The following SV2B variants were observed in gnomAD, a reference collection of about 807,000 sequenced individuals.
The protein encoded by SV2B is synaptic vesicle glycoprotein 2B.
SV2B carries 41 observed loss-of-function variants against 73.9 expected under a neutral mutation model. That is an observed-to-expected ratio of 0.56 (90% confidence interval 0.43 to 0.72). The LOEUF (loss-of-function observed/expected upper bound fraction) is 0.72. SV2B is among the 30% of genes least tolerant of loss of function. The pLI, the probability that SV2B is intolerant of heterozygous loss-of-function variation, is 0.00. For synonymous variants in SV2B, 314 were observed against 314.2 expected, an observed-to-expected ratio of 1.00 and a Z score of 0.01; for missense variants, 764 against 857.8, an observed-to-expected ratio of 0.89 and a Z score of 1.37.
chr15:91,254,253 C>G (rs1278383747), intron 4 of SV2B, among the ~76,000 whole-genome samples: 1 of 53,134 alleles, frequency 1.9e-5, no homozygotes, highest in African/African-American at 8.0e-5. Context: ...TTTTTTTTTT[C>G]TGAGACAGAG....
At chr15:91,195,832 C>T (rs1346770137) in intron 1 of SV2B, among the ~76,000 whole-genome samples, 3 of 152,166 alleles carry the variant, frequency 2.0e-5, no homozygotes, top group Non-Finnish European at 4.4e-5. Context: ...CATAGCAAGT[C>T]CTACATGAAG....
intron 9 of SV2B, among the ~76,000 whole-genome samples, chr15:91,274,036 G>T (rs1426486955): frequency 6.6e-6 from 1 of 150,696 alleles, no homozygotes; most frequent in Non-Finnish European, 1.5e-5. Context: ...CTCTGTTGGG[G>T]GAGAAAACTA....
In SV2B at chr15:91,252,043, G is replaced by A. The variant is rs772911915; in HGVS notation, c.632+44G>A. On this transcript the variant is annotated intron_variant, in intron 3 of 12. Transcript: ENST00000394232. The surrounding 1 kb of genome is among the most constrained non-coding windows in gnomAD (Gnocchi z 4.6). ...GGAGCTGGACCATCCCAGACCAATG[G>A]CCCATCCATTCTGGTATTCTAGCTC... is the stretch of plus-strand genomic sequence containing the variant. 1 of 1,596,488 alleles carries A rather than the reference G, an allele frequency of 6.3e-7. No homozygotes were observed. The highest frequency in any genetic ancestry group is 1.1e-5 in the South Asian group (1 of 88,652).
intron 6 of SV2B, among the ~76,000 whole-genome samples, chr15:91,262,282 C>G (rs564197279): frequency 6.6e-6 from 1 of 152,240 alleles, no homozygotes; most frequent in African/African-American, 2.4e-5. Flanking sequence ...AAAACAAAAA[C>G]CGGTGCCTGG....
rs184248843 is a variant in SV2B, at chr15:91,180,585, T to C, written c.-391-45288T>C. On this transcript the variant is annotated intron_variant, in intron 1 of 12. Transcript: ENST00000394232. ...AGTCCCATATTTCTTGGAGGCTTTG[T>C]TCATTTCTTTTTATTCTTTTTTCTC... is the stretch of plus-strand genomic sequence containing the variant. Among the ~76,000 whole-genome samples, 997 of 152,278 alleles carry C rather than the reference T, an allele frequency of 6.5e-3. 7 individuals are homozygous for C. The highest frequency in any genetic ancestry group is 0.027 in the Middle Eastern group (8 of 294).
intron 11 of SV2B, among the ~76,000 whole-genome samples, chr15:91,286,880 T>C (rs1248173843): frequency 1.3e-5 from 2 of 152,180 alleles, no homozygotes; most frequent in Non-Finnish European, 2.9e-5. Context: ...TGGGGACTTA[T>C]AGCAGGAACA....
At chr15:91,269,572 A>G (rs1376669453) in intron 9 of SV2B, among the ~76,000 whole-genome samples, 2 of 152,144 alleles carry the variant, frequency 1.3e-5, no homozygotes, top group Non-Finnish European at 2.9e-5. Flanking sequence ...CTGCACCCAC[A>G]TATGCGTCTG....
chr15:91,150,314 G>C (rs1426934064), intron 1 of SV2B, among the ~76,000 whole-genome samples: 1 of 152,124 alleles, frequency 6.6e-6, no homozygotes, highest in Non-Finnish European at 1.5e-5. Context: ...GCTTCTGTCT[G>C]TCTCTCTATC....
chr15:91,283,898 G>A lies in SV2B; in HGVS notation c.1508-123G>A. 1 of 880,316 alleles carries A rather than the reference G, an allele frequency of 1.1e-6. No individual in the cohort carries two copies. Among genetic ancestry groups the A allele is most frequent in the Non-Finnish European group, 1.7e-6 (1 of 582,268 alleles). The allele number at this position is 880,316 out of a possible 1,614,324, so 54.5% of individuals were successfully genotyped here. ...CACATATTACCTTGACTTTGAGGCT[G>A]TCTGACTGGCAAAGGCTGGCACAGC... On this transcript the variant is annotated intron_variant, in intron 10 of 12. Transcript: ENST00000394232. This position sits in a 1 kb window ranked among gnomAD's most constrained non-coding sequence, Gnocchi z 4.3.
chr15:91,271,625 A>G lies in SV2B; in HGVS notation c.1373+3020A>G, dbSNP rs568473091. 5.3e-5 allele frequency among the ~76,000 whole-genome samples: 8 copies of G among 152,346 alleles called. No individual in the cohort carries two copies. In the South Asian group the frequency reaches 6.2e-4, roughly 12 times the overall value. ...CTATACCCACTATTATTTGAAGCCCATAATTCCCCCACTCCCTCCCCAGCA... is the reference window on the plus strand; with the variant it reads ...CTATACCCACTATTATTTGAAGCCCGTAATTCCCCCACTCCCTCCCCAGCA... On this transcript the variant is annotated intron_variant, in intron 9 of 12. Coordinates refer to ENST00000394232, the MANE Select transcript of SV2B (RefSeq NM_001323032.3).
chr15:91,118,315 A>G lies in SV2B; in HGVS notation c.-392+17952A>G, dbSNP rs1448819394. Among the ~76,000 whole-genome samples, 1 of 152,222 alleles carries G rather than the reference A, an allele frequency of 6.6e-6. No homozygotes were observed. Among genetic ancestry groups the G allele is most frequent in the Non-Finnish European group, 1.5e-5 (1 of 68,032 alleles). On this transcript the variant is annotated intron_variant, in intron 1 of 12. Coordinates refer to ENST00000394232, the MANE Select transcript of SV2B (RefSeq NM_001323032.3). This position sits in a 1 kb window ranked among gnomAD's most constrained non-coding sequence, Gnocchi z 4.7. ...TGATGTGTGCCCTGGAGTTTGGGGC[A>G]TAGAAGACATAGAGCCTGGTGCCTC... is the stretch of plus-strand genomic sequence containing the variant.
At chr15:91,138,109 A>C (rs913251734) in intron 1 of SV2B, among the ~76,000 whole-genome samples, 1 of 152,232 alleles carries the variant, frequency 6.6e-6, no homozygotes, top group African/African-American at 2.4e-5. Context: ...AACACTACCT[A>C]TGAAGTAGCC....
rs1472483637 is a variant in SV2B, at chr15:91,226,301, A to G, written c.38A>G (p.Tyr13Cys). The G allele has an allele frequency of 1.9e-6, 3 of 1,614,166 alleles. No homozygotes were observed. Among genetic ancestry groups the G allele is most frequent in the Non-Finnish European group, 2.5e-6 (3 of 1,180,028 alleles). ...AAGTATCAGGACAATTATGGGGGCT[A>G]TGCTCCCAGTGATGGCTATTACCGC... ...DYKYQDNYGG[Y>C]APSDGYYRGN... The change falls in exon 2 of 13, where the codon TAT becomes TGT. Residue 13 changes from tyrosine to cysteine, a missense_variant. Tyr to Cys is a radical substitution (Grantham distance 194). Transcript: ENST00000394232.
intron 1 of SV2B, among the ~76,000 whole-genome samples, chr15:91,125,046 G>A (rs556469532): frequency 6.6e-6 from 1 of 152,334 alleles, no homozygotes; most frequent in East Asian, 1.9e-4. Flanking sequence ...TCCTTGGCTT[G>A]CAGATGGCTG....
chr15:91,205,014 G>A (rs560383311), intron 1 of SV2B, among the ~76,000 whole-genome samples: 2 of 152,292 alleles, frequency 1.3e-5, no homozygotes, highest in African/African-American at 4.8e-5. Context: ...TGAAGCCTGA[G>A]CTGCTGTTTT....
Position 91,136,540 on chromosome 15 carries a change from T to C in SV2B, c.-392+36177T>C, listed in dbSNP as rs2042831620. 6.6e-6 allele frequency among the ~76,000 whole-genome samples: 1 copy of C among 152,236 alleles called. No homozygotes were observed. Among genetic ancestry groups the C allele is most frequent in the African/African-American group, 2.4e-5 (1 of 41,466 alleles). On this transcript the variant is annotated intron_variant, in intron 1 of 12. Coordinates refer to ENST00000394232, the MANE Select transcript of SV2B (RefSeq NM_001323032.3). The surrounding 1 kb of genome is among the most constrained non-coding windows in gnomAD (Gnocchi z 5.6). The stretch of plus-strand genomic sequence containing the variant: ...GAGTAAGGCTCTTGACTCAGCTGTC[T>C]GCAAGCCCTTTACATCTTCATTTCA...
intron 1 of SV2B, among the ~76,000 whole-genome samples, chr15:91,125,808 A>G (rs2042465365): frequency 6.6e-6 from 1 of 150,440 alleles, no homozygotes; most frequent in African/African-American, 2.5e-5. Flanking sequence ...AAATTCAGTC[A>G]TTTAAAATTA....
intron 6 of SV2B, among the ~76,000 whole-genome samples, chr15:91,264,438 GC>G (rs1306422370): frequency 6.6e-6 from 1 of 152,232 alleles, no homozygotes; most frequent in Non-Finnish European, 1.5e-5. Flanking sequence ...TGGAAGCAGA[GC>G]AGAGAAAGCA....
At chr15:91,255,165 GAC>G (rs920547265) in intron 4 of SV2B, among the ~76,000 whole-genome samples, 7 of 152,064 alleles carry the variant, frequency 4.6e-5, no homozygotes, top group Admixed American at 2.0e-4. Context: ...CACTTACACA[GAC>G]ACACACACTA....
Sources: gnomAD v4.1 joint callset for allele counts (sites outside exome capture counted in the v4.1 genomes callset) on GRCh38, gnomAD v4.1.1 for gene constraint, Gnocchi (gnomAD v3.1) non-coding constraint, MANE v1.5 for transcripts, NCBI Gene and HGNC (gene_info 2026-07-23, HGNC 2026-07-21) for gene names.